ADAM10: variants seen among roughly 807,000 people sequenced by gnomAD.
ADAM10 encodes ADAM metallopeptidase domain 10.
ADAM10 carries 17 observed loss-of-function variants against 90.1 expected under a neutral mutation model. The observed-to-expected ratio is 0.19, with a 90% CI of 0.13 to 0.28. The LOEUF (loss-of-function observed/expected upper bound fraction) is 0.28. Ranked by LOEUF, ADAM10 falls within the 10% of genes least tolerant of loss-of-function variation. The pLI is 1.00. For missense variants in ADAM10, 610 were observed against 914.3 expected (o/e 0.67, Z 4.29); for synonymous variants, 310 against 298.6 (o/e 1.04, Z -0.40).
At chr15:58,654,390 T>C (rs1386543764) in intron 5 of ADAM10, among the ~76,000 whole-genome samples, 1 of 152,172 alleles carries the variant, frequency 6.6e-6, no homozygotes, top group East Asian at 1.9e-4. Flanking sequence ...TGTGTTTTCT[T>C]TGTTTTTGAG....
intron 1 of ADAM10, among the ~76,000 whole-genome samples, chr15:58,737,479 C>T (rs1224308042): frequency 6.6e-6 from 1 of 152,154 alleles, no homozygotes; most frequent in Admixed American, 6.5e-5. Context: ...AAGGCAAGAT[C>T]TGGCTTCCCT....
chr15:58,674,159 G>C (rs565839022), intron 4 of ADAM10, among the ~76,000 whole-genome samples: 31 of 152,154 alleles, frequency 2.0e-4, no homozygotes, highest in Middle Eastern at 3.4e-3. Context: ...CTGTGCCTGT[G>C]AGTTGTTTAG....
chr15:58,599,957 A>G (rs1322516684), intron 14 of ADAM10, among the ~76,000 whole-genome samples: 2 of 152,136 alleles, frequency 1.3e-5, no homozygotes, highest in African/African-American at 4.8e-5. Context: ...CATAGAGGAA[A>G]CCGCTCAATC....
intron 2 of ADAM10, among the ~76,000 whole-genome samples, chr15:58,714,292 T>TACAC (rs71116591): frequency 0.093 from 13,233 of 142,832 alleles, 663 homozygotes; most frequent in Admixed American, 0.17. Flanking sequence ...TACATACACA[T>TACAC]ACACACACAC....
At chr15:58,659,767 C>T (rs1460724608) in intron 5 of ADAM10, among the ~76,000 whole-genome samples, 7 of 152,064 alleles carry the variant, frequency 4.6e-5, no homozygotes, top group African/African-American at 1.4e-4. Context: ...CTCACTCTGT[C>T]GCCCAGGCTG....
At chr15:58,617,826 C>T (rs1018739963) in intron 11 of ADAM10, among the ~76,000 whole-genome samples, 2 of 148,798 alleles carry the variant, frequency 1.3e-5, no homozygotes, top group Non-Finnish European at 3.0e-5. Flanking sequence ...GTTTAATAAA[C>T]GCAAGGAGGT....
chr15:58,629,795 CAG>C (rs1896052769), intron 9 of ADAM10, among the ~76,000 whole-genome samples: 1 of 150,660 alleles, frequency 6.6e-6, no homozygotes, highest in East Asian at 2.0e-4. Flanking sequence ...TTTTTTGAGA[CAG>C]AGTCTCACTC....
intron 2 of ADAM10, chr15:58,693,158 T>C (rs755251898): frequency 9.6e-5 from 70 of 731,352 alleles, no homozygotes; most frequent in Non-Finnish European, 1.7e-4. Flanking sequence ...AAGGCAAAAG[T>C]CGCCACCTCC....
chr15:58,654,248 GTT>G (rs1286457682), intron 5 of ADAM10, among the ~76,000 whole-genome samples: 2 of 151,808 alleles, frequency 1.3e-5, no homozygotes, highest in African/African-American at 4.8e-5. Context: ...CTAATTTCGG[GTT>G]TGGTTTGCTC....
At chr15:58,715,818 C>T (rs1409297125) in intron 2 of ADAM10, among the ~76,000 whole-genome samples, 3 of 152,122 alleles carry the variant, frequency 2.0e-5, no homozygotes, top group Non-Finnish European at 4.4e-5. Context: ...AATTACATGA[C>T]ACAGCTAACA....
chr15:58,631,296 G>A (rs1416904721), intron 9 of ADAM10, among the ~76,000 whole-genome samples: 6 of 152,088 alleles, frequency 3.9e-5, no homozygotes, highest in African/African-American at 7.2e-5. Context: ...CATCTACTAC[G>A]GATACAGATG....
intron 1 of ADAM10, among the ~76,000 whole-genome samples, chr15:58,730,997 T>C: frequency 6.6e-6 from 1 of 152,166 alleles, no homozygotes; most frequent in Admixed American, 6.5e-5. Context: ...GCAGACTGCC[T>C]ATCATGGGAC....
intron 5 of ADAM10, among the ~76,000 whole-genome samples, chr15:58,664,488 G>A (rs1596044020): frequency 6.6e-6 from 1 of 152,158 alleles, no homozygotes; most frequent in South Asian, 2.1e-4. Context: ...TCAAAGAATA[G>A]ATCTGAATAC....
chr15:58,739,463 G>A (rs540466514), intron 1 of ADAM10, among the ~76,000 whole-genome samples: 60 of 152,112 alleles, frequency 3.9e-4, no homozygotes, highest in African/African-American at 1.4e-3. Flanking sequence ...CTGGCAGTGA[G>A]CCGAGATAGC....
intron 5 of ADAM10, among the ~76,000 whole-genome samples, chr15:58,664,704 T>C (rs1479019113): frequency 6.6e-6 from 1 of 152,152 alleles, no homozygotes; most frequent in African/African-American, 2.4e-5. Context: ...AGATTTTTAT[T>C]AACATGACCA....
intron 6 of ADAM10, 57 bp downstream of exon 6, chr15:58,645,998 G>C (rs192176627): frequency 1.3e-6 from 2 of 1,580,624 alleles, no homozygotes. Context: ...TTAAAGGAAA[G>C]AATAGGCATT....
chr15:58,633,859 C>A (rs1256693669), intron 8 of ADAM10, among the ~76,000 whole-genome samples: 3 of 117,108 alleles, frequency 2.6e-5, no homozygotes, highest in African/African-American at 3.3e-5. Flanking sequence ...ATATGACATA[C>A]AATGTATTTG....
chr15:58,615,374 C>T (rs565584617), intron 11 of ADAM10, among the ~76,000 whole-genome samples: 1 of 151,970 alleles, frequency 6.6e-6, no homozygotes, highest in South Asian at 2.1e-4. Flanking sequence ...CCAATGAAAT[C>T]CCCCTACTTA....
At chr15:58,676,830 A>G (rs1372568756) in intron 4 of ADAM10, among the ~76,000 whole-genome samples, 1 of 152,080 alleles carries the variant, frequency 6.6e-6, no homozygotes, top group Admixed American at 6.6e-5. Flanking sequence ...AAAAATAGAT[A>G]AATAAATAAT....
Sources: allele counts gnomAD v4.1 joint callset (sites outside exome capture counted in the v4.1 genomes callset), GRCh38; gene constraint gnomAD v4.1.1; transcripts MANE v1.5; gene names NCBI Gene and HGNC (gene_info 2026-07-23, HGNC 2026-07-21).